TMTC2: variants seen among roughly 807,000 people sequenced by gnomAD.
TMTC2 encodes the protein transmembrane O-mannosyltransferase targeting cadherins 2.
Under a neutral mutation model 82.4 loss-of-function variants are expected in TMTC2, and 43 were observed. The ratio of observed to expected loss-of-function variants is 0.52; its 90% CI spans 0.41 to 0.67. The LOEUF is 0.67. Among genes scored for constraint, TMTC2 ranks in the 30% least tolerant of loss-of-function variants. TMTC2 has a pLI of 0.00. For synonymous variants in TMTC2, 408 were observed against 381.9 expected, an observed-to-expected ratio of 1.07 and a Z score of -0.80; for missense variants, 919 against 1,012.4, an observed-to-expected ratio of 0.91 and a Z score of 1.25.
chr12:82,757,232 A>G (rs545833584), intron 1 of TMTC2, among the ~76,000 whole-genome samples: 1 of 152,318 alleles, frequency 6.6e-6, no homozygotes, highest in East Asian at 1.9e-4. Context: ...GATCTTTGAG[A>G]GAGGCTTAAG....
At chr12:83,061,536 T>A (rs937519912) in intron 10 of TMTC2, among the ~76,000 whole-genome samples, 1 of 151,718 alleles carries the variant, frequency 6.6e-6, no homozygotes, top group Non-Finnish European at 1.5e-5. Context: ...AATATGTAAA[T>A]GTGAAATAAC....
At chr12:82,719,826 TA>T (rs2136925002) in intron 1 of TMTC2, among the ~76,000 whole-genome samples, 1 of 152,328 alleles carries the variant, frequency 6.6e-6, no homozygotes, top group East Asian at 1.9e-4. Flanking sequence ...CTTAACTGCA[TA>T]ATGGAAATGT....
At chr12:82,773,255 A>T (rs1338139151) in intron 1 of TMTC2, among the ~76,000 whole-genome samples, 2 of 152,194 alleles carry the variant, frequency 1.3e-5, no homozygotes, top group South Asian at 4.1e-4. Flanking sequence ...TTCAAATTGT[A>T]TATAGTCAAA....
At chr12:82,730,525 C>G (rs954910842) in intron 1 of TMTC2, among the ~76,000 whole-genome samples, 1 of 152,114 alleles carries the variant, frequency 6.6e-6, no homozygotes, top group Non-Finnish European at 1.5e-5. Context: ...AACATTGACT[C>G]TAGTTAGATT....
At chr12:82,993,511 A>G (rs1278620213) in intron 8 of TMTC2, among the ~76,000 whole-genome samples, 1 of 152,202 alleles carries the variant, frequency 6.6e-6, no homozygotes, top group Non-Finnish European at 1.5e-5. Flanking sequence ...CATAAAATAT[A>G]CGTAGATACT....
chr12:82,710,449 A>G (rs1873569615), intron 1 of TMTC2, among the ~76,000 whole-genome samples: 1 of 152,190 alleles, frequency 6.6e-6, no homozygotes, highest in Non-Finnish European at 1.5e-5. Flanking sequence ...TTCATCCAAG[A>G]TGATTGCTGT....
At chr12:82,979,118 C>CT (rs1339777126) in intron 7 of TMTC2, among the ~76,000 whole-genome samples, 6 of 150,958 alleles carry the variant, frequency 4.0e-5, no homozygotes, top group South Asian at 2.1e-4. Flanking sequence ...ATTGTTAGGT[C>CT]TTTTTTTTCT....
At chr12:83,019,212 A>G (rs1397319619) in intron 8 of TMTC2, among the ~76,000 whole-genome samples, 1 of 151,954 alleles carries the variant, frequency 6.6e-6, no homozygotes, top group African/African-American at 2.4e-5. Flanking sequence ...TTTATGTTTT[A>G]TGTTATTTTT....
At chr12:82,812,671 AAAT>A (rs1868465626) in intron 1 of TMTC2, among the ~76,000 whole-genome samples, 3 of 152,236 alleles carry the variant, frequency 2.0e-5, no homozygotes, top group African/African-American at 7.2e-5. Context: ...AGGTTTATTG[AAAT>A]AATTAAACAC....
At chr12:82,691,994 T>TTGG (rs1872598411) in intron 1 of TMTC2, among the ~76,000 whole-genome samples, 1 of 152,246 alleles carries the variant, frequency 6.6e-6, no homozygotes, top group Non-Finnish European at 1.5e-5. Context: ...TTTGATTGTT[T>TTGG]AAACAAACCT....
chr12:83,092,018 G>C (rs1053574713), intron 11 of TMTC2, among the ~76,000 whole-genome samples: 1 of 152,194 alleles, frequency 6.6e-6, no homozygotes, highest in Non-Finnish European at 1.5e-5. Context: ...AAAGAGGAAG[G>C]GGGTGAGAGA....
At chr12:82,775,150 A>G (rs970616318) in intron 1 of TMTC2, among the ~76,000 whole-genome samples, 1 of 152,102 alleles carries the variant, frequency 6.6e-6, no homozygotes, top group Non-Finnish European at 1.5e-5. Context: ...TGTGAAATAA[A>G]GATAGAAACA....
At chr12:83,096,756 G>A (rs565515828) in intron 11 of TMTC2, among the ~76,000 whole-genome samples, 2 of 152,200 alleles carry the variant, frequency 1.3e-5, no homozygotes, top group South Asian at 2.1e-4. Flanking sequence ...TTTGGGTGGG[G>A]ATACAGCCAA....
At chr12:82,895,043 C>T (rs970814150) in intron 2 of TMTC2, among the ~76,000 whole-genome samples, 1 of 150,114 alleles carries the variant, frequency 6.7e-6, no homozygotes, top group Non-Finnish European at 1.5e-5. Context: ...TTTCAAACTC[C>T]TGGTCTCAAA....
At chr12:83,099,353 A>C (rs1380207688) in intron 11 of TMTC2, among the ~76,000 whole-genome samples, 1 of 152,130 alleles carries the variant, frequency 6.6e-6, no homozygotes, top group Non-Finnish European at 1.5e-5. Context: ...GTAACGTTTA[A>C]TTTTTTTGTA....
chr12:82,947,629 C>T (rs1055773275), intron 4 of TMTC2, among the ~76,000 whole-genome samples: 3 of 152,124 alleles, frequency 2.0e-5, no homozygotes, highest in African/African-American at 7.2e-5. Flanking sequence ...CGTGCCCAGC[C>T]TCAGAGTGCA....
intron 11 of TMTC2, among the ~76,000 whole-genome samples, chr12:83,089,145 C>G (rs1196881680): frequency 6.6e-6 from 1 of 152,188 alleles, no homozygotes; most frequent in African/African-American, 2.4e-5. Flanking sequence ...TATCGGTCAT[C>G]ATGGTGGTTT....
intron 11 of TMTC2, among the ~76,000 whole-genome samples, chr12:83,121,176 T>G (rs745961014): frequency 2.0e-5 from 3 of 152,224 alleles, no homozygotes; most frequent in Non-Finnish European, 4.4e-5. Flanking sequence ...CGTCTTGGTT[T>G]GGATCCATTG....
In TMTC2 at chr12:83,133,797, G is replaced by T. The variant is rs1330102158; in HGVS notation, c.*1408G>T. ...TATCAACTTCTTCACAGAGAAAGTA[G>T]CTATACTATACCCTACATATTTATT... On this transcript the variant is annotated 3_prime_UTR_variant, in exon 12 of 12. Coordinates refer to ENST00000321196, the MANE Select transcript of TMTC2 (RefSeq NM_152588.3). 1 of 152,144 alleles carries T rather than the reference G, an allele frequency of 6.6e-6. No homozygotes were observed. The highest frequency in any genetic ancestry group is 6.5e-5 in the Admixed American group (1 of 15,272). The allele number at this position is 152,144 out of a possible 1,614,324, so 9.4% of individuals were successfully genotyped here. A position where few individuals can be genotyped will look rare whatever the true frequency, so the allele number is the denominator to read the frequency against.
Sources: allele counts gnomAD v4.1 joint callset (sites outside exome capture counted in the v4.1 genomes callset), GRCh38; gene constraint gnomAD v4.1.1; transcripts MANE v1.5; gene names NCBI Gene and HGNC (gene_info 2026-07-23, HGNC 2026-07-21).